The following LIG3 variants were observed in gnomAD, a reference collection of about 807,000 sequenced individuals.
LIG3 encodes DNA ligase 3.
LIG3 carries 58 observed loss-of-function variants against 110.9 expected under a neutral mutation model. The observed-to-expected ratio is 0.52, with a 90% confidence interval of 0.42 to 0.65. The LOEUF is 0.65. Among genes scored for constraint, LIG3 ranks in the 30% least tolerant of loss-of-function variants. LIG3 has a pLI of 0.00. For synonymous variants in LIG3, 422 were observed against 472.8 expected (o/e 0.89, Z 1.39); for missense variants, 1,094 against 1,273.8 (o/e 0.86, Z 2.15).
intron 10 of LIG3, 129 bp downstream of exon 10, chr17:34,996,324 G>GT: frequency 1.7e-6 from 2 of 1,177,804 alleles, no homozygotes. Flanking sequence ...CTTCTGACCT[G>GT]TTTCTGGTTT....
rs550674797 is a variant in LIG3, at chr17:34,983,094, G to A, written c.89G>A (p.Arg30His). Residue 30 changes from arginine to histidine, a missense_variant, in exon 2 of 20, where the codon CGT becomes CAT. By Grantham distance (29) the Arg-to-His change is conservative. Transcript: ENST00000378526. The part of the protein sequence containing the change: ...ELCLFRKHHW[R>H]DVRQFSQWSE... ...TGCCTATTCCGAAAACATCACTGGCGTGATGTAAGACAATTCAGCCAGTGG... is the reference window on the plus strand; with the variant it reads ...TGCCTATTCCGAAAACATCACTGGCATGATGTAAGACAATTCAGCCAGTGG... 74 of 1,613,948 alleles carry A rather than the reference G, an allele frequency of 4.6e-5. No individual in the cohort carries two copies. The Middle Eastern group carries it at 5.3e-3, about 115-fold the overall frequency.
Position 34,989,573 on chromosome 17 carries a change from C to A in LIG3, c.799C>A (p.Arg267=), listed in dbSNP as rs566713386. 1 of 1,614,062 alleles carries A rather than the reference C, an allele frequency of 6.2e-7. No homozygotes were observed. Among genetic ancestry groups the A allele is most frequent in the East Asian group, 2.2e-5 (1 of 44,832 alleles). The part of the protein sequence containing the change: ...RHKDCLLREF[R]KLCAMVADNP... ...TAAGGACTGTCTGCTACGGGAGTTT[C>A]GAAAGTTATGCGCCATGGTGGCCGA... The change falls in exon 4 of 20, where the codon CGA becomes AGA. Residue 267 remains arginine (R), a synonymous_variant. Transcript: ENST00000378526.
Position 35,005,344 on chromosome 17 carries a change from CAACCTGAAGTTG to C in LIG3, c.*841_*852del, listed in dbSNP as rs748130091. 5 of 554,424 alleles carry C rather than the reference CAACCTGAAGTTG, an allele frequency of 9.0e-6. No individual in the cohort carries two copies. The Admixed American group carries it at 9.6e-5, about 11-fold the overall frequency. 34.3% of individuals were successfully genotyped at this position (554,424 alleles called of 1,614,324 possible). A position where few individuals can be genotyped will look rare whatever the true frequency, so the allele number is the denominator to read the frequency against. On this transcript the variant is annotated 3_prime_UTR_variant, in exon 20 of 20. Coordinates refer to ENST00000378526, the MANE Select transcript of LIG3 (RefSeq NM_013975.4). The stretch of plus-strand genomic sequence containing the variant: ...TCCCATTCTTAGTGCTCGAGTGTTC[CAACCTGAAGTTG>C]AAGAAGCCACCCTGGCTGCACATGC...
At chr17:34,999,632 C>T in intron 15 of LIG3, 150 bp from the exon 16 acceptor site, 1 of 1,053,082 alleles carries the variant, frequency 9.5e-7, no homozygotes, top group Non-Finnish European at 1.4e-6. Context: ...GCTTGCATGC[C>T]TCTAGGTCAT....
intron 5 of LIG3, chr17:34,991,407 C>G (rs2090719593): frequency 3.5e-6 from 2 of 570,464 alleles, no homozygotes; most frequent in Admixed American, 3.5e-5. Flanking sequence ...ATTCTGGACT[C>G]TTTTTTTCTT....
rs1211620720 is a variant in LIG3 at position 35,004,688 on chromosome 17, A to T, written c.*182A>T. 2 of 585,588 alleles carry T rather than the reference A, an allele frequency of 3.4e-6. No homozygotes were observed. Among genetic ancestry groups the T allele is most frequent in the Admixed American group, 3.1e-5 (1 of 31,756 alleles). The allele number at this position is 585,588 out of a possible 1,614,324, so 36.3% of individuals were successfully genotyped here. A position where few individuals can be genotyped will look rare whatever the true frequency, so the allele number is the denominator to read the frequency against. ...TGCTGTGGGTGCCACAGCTGAAGTC[A>T]GTTTGTCTTGCTGGTTTAAATAGAT... On this transcript the variant is annotated 3_prime_UTR_variant, in exon 20 of 20. Coordinates refer to ENST00000378526, the MANE Select transcript of LIG3 (RefSeq NM_013975.4).
rs757106255 is a variant in LIG3, at chr17:34,986,058, C to A, written c.618C>A (p.Gly206=). 3 of 1,613,974 alleles carry A rather than the reference C, an allele frequency of 1.9e-6. No individual in the cohort carries two copies. In the South Asian group the frequency reaches 3.3e-5, roughly 18 times the overall value. ...AVVQAKLTTT[G]QVTSPVKGAS... ...TCCAGGCTAAGTTGACAACCACTGG[C>A]CAGGTGACTTCTCCAGTGAAAGGCG... The change falls in exon 3 of 20, where the codon GGC becomes GGA. Residue 206 remains glycine, a synonymous_variant. Transcript: ENST00000378526.
At position 35,004,590 on chromosome 17, in the gene LIG3, A is replaced by C; in HGVS notation, c.*84A>C. The C allele has an allele frequency of 1.8e-5, 21 of 1,145,198 alleles. No individual in the cohort carries two copies. The highest frequency in any genetic ancestry group is 2.7e-5 in the Non-Finnish European group (21 of 776,652). 70.9% of individuals were successfully genotyped at this position (1,145,198 alleles called of 1,614,324 possible). On this transcript the variant is annotated 3_prime_UTR_variant, in exon 20 of 20. Coordinates refer to ENST00000378526, the MANE Select transcript of LIG3 (RefSeq NM_013975.4). ...ACTCAGGCTGGAGGCAGATAGACAC[A>C]GTATAGGGGGAATGGGCTTGCTTCT...
intron 2 of LIG3, among the ~76,000 whole-genome samples, chr17:34,984,151 G>A (rs1001508265): frequency 6.6e-6 from 1 of 152,056 alleles, no homozygotes; most frequent in African/African-American, 2.4e-5. Context: ...ATACTATTTT[G>A]TCAATGGATT....
chr17:34,983,459 G>C lies in LIG3; in HGVS notation c.454G>C (p.Ala152Pro). The stretch of plus-strand genomic sequence containing the variant: ...GTTTGAGAAACTAGAGCGGGCCCGG[G>C]CCACCACAAAAAAAATCGAGGACCT... Reference protein sequence around the residue: ...CMFEKLERARATTKKIEDLTE... With the variant: ...CMFEKLERARPTTKKIEDLTE... Residue 152 changes from alanine (A) to proline (P), a missense_variant, in exon 2 of 20, where the codon GCC becomes CCC. Physicochemically the swap from Ala to Pro is conservative, Grantham distance 27. Coordinates refer to ENST00000378526, the MANE Select transcript of LIG3 (RefSeq NM_013975.4). 1 of 1,614,054 alleles carries C rather than the reference G, an allele frequency of 6.2e-7. No homozygotes were observed. Among genetic ancestry groups the C allele is most frequent in the Non-Finnish European group, 8.5e-7 (1 of 1,180,002 alleles).
intron 3 of LIG3, among the ~76,000 whole-genome samples, chr17:34,988,141 C>T (rs1347375964): frequency 3.8e-5 from 5 of 131,894 alleles, no homozygotes; most frequent in Non-Finnish European, 6.1e-5. Context: ...TGCAGTGAGC[C>T]AAGATCGCGC....
rs2090776586 is a variant in LIG3 at position 34,996,269 on chromosome 17, T to A, written c.1743+74T>A. Reference sequence around the variant, plus strand: ...ATGTACATGTGGGTGCACGCTGCGGTCTGAAAAGGGAGGAAATATCCCTTA... The same window carrying A: ...ATGTACATGTGGGTGCACGCTGCGGACTGAAAAGGGAGGAAATATCCCTTA... On this transcript the variant is annotated intron_variant, in intron 10 of 19. Coordinates refer to ENST00000378526, the MANE Select transcript of LIG3 (RefSeq NM_013975.4). 4.6e-6 allele frequency: 7 copies of A among 1,514,120 alleles called. No individual in the cohort carries two copies. In the South Asian group the frequency reaches 7.1e-5, roughly 15 times the overall value. The allele number at this position is 1,514,120 out of a possible 1,614,324, so 93.8% of individuals were successfully genotyped here. A position where few individuals can be genotyped will look rare whatever the true frequency, so the allele number is the denominator to read the frequency against.
intron 9 of LIG3, among the ~76,000 whole-genome samples, chr17:34,994,635 C>G (rs988153079): frequency 6.6e-6 from 1 of 152,202 alleles, no homozygotes; most frequent in African/African-American, 2.4e-5. Context: ...AGAGCCCTGA[C>G]TTGGGTTCGT....
intron 7 of LIG3, 111 bp from the exon 8 acceptor site, chr17:34,992,413 A>G (rs2090731863): frequency 2.5e-6 from 3 of 1,194,726 alleles, no homozygotes; most frequent in Middle Eastern, 2.0e-4. Context: ...ATAGAACACA[A>G]CCCCTTCCCT....
intron 4 of LIG3, chr17:34,989,954 G>A (rs2090700748): frequency 2.6e-6 from 1 of 381,794 alleles, no homozygotes; most frequent in African/African-American, 2.0e-5. Flanking sequence ...TATTTGACTA[G>A]TTAGAAAATT....
At chr17:34,991,391 G>T (rs1405498066) in intron 5 of LIG3, 4 of 570,476 alleles carry the variant, frequency 7.0e-6, no homozygotes, top group Non-Finnish European at 1.2e-5. Flanking sequence ...CTCTCCTGGG[G>T]CTTTTATTCT....
Position 34,983,245 on chromosome 17 carries a change from A to G in LIG3, c.240A>G (p.Gly80=). Residue 80 remains glycine (G), a synonymous_variant, in exon 2 of 20, where the codon GGA becomes GGG. Coordinates refer to ENST00000378526, the MANE Select transcript of LIG3 (RefSeq NM_013975.4). Reference sequence around the variant, plus strand: ...TTTTCTTGCCAGGGTTGCATGTGGGACTCTGCAGTGGCCCCTGTGAGATGG... The same window carrying G: ...TTTTCTTGCCAGGGTTGCATGTGGGGCTCTGCAGTGGCCCCTGTGAGATGG... ...YLVFLPGLHV[G]LCSGPCEMAE... 1 of 1,613,992 alleles carries G rather than the reference A, an allele frequency of 6.2e-7. No homozygotes were observed. The highest frequency in any genetic ancestry group is 8.5e-7 in the Non-Finnish European group (1 of 1,179,974).
Position 35,002,030 on chromosome 17 carries a change from G to C in LIG3, c.2600G>C (p.Arg867Pro). The C allele has an allele frequency of 6.2e-7, 1 of 1,609,650 alleles. No individual in the cohort carries two copies. Among genetic ancestry groups the C allele is most frequent in the South Asian group, 1.1e-5 (1 of 90,370 alleles). ...GGTCCCTCAGGGTCTGCTGTGTCCC[G>C]CAAGGCCCCCAGCAAGCCCTCAGCC... ...NKGPSGSAVS[R>P]KAPSKPSAST... The change falls in exon 18 of 20, where the codon CGC becomes CCC. Residue 867 changes from arginine to proline, a missense_variant. Arg to Pro is a moderately radical substitution (Grantham distance 103). Transcript: ENST00000378526.
chr17:35,004,823 C>T lies in LIG3; in HGVS notation c.*317C>T. 3.3e-6 allele frequency: 1 copy of T among 307,562 alleles called. No homozygotes were observed. The highest frequency in any genetic ancestry group is 6.1e-6 in the Non-Finnish European group (1 of 162,748). 19.1% of individuals were successfully genotyped at this position (307,562 alleles called of 1,614,324 possible). A position where few individuals can be genotyped will look rare whatever the true frequency, so the allele number is the denominator to read the frequency against. ...TGCAGTTATCTTTGTCCTTTCCCCA[C>T]CTACACCCCCAATAATTTCCCTAGA... is the stretch of plus-strand genomic sequence containing the variant. On this transcript the variant is annotated 3_prime_UTR_variant, in exon 20 of 20. Coordinates refer to ENST00000378526, the MANE Select transcript of LIG3 (RefSeq NM_013975.4).
Sources: gnomAD v4.1 joint callset for allele counts (sites outside exome capture counted in the v4.1 genomes callset) on GRCh38, gnomAD v4.1.1 for gene constraint, MANE v1.5 for transcripts, NCBI Gene and HGNC (gene_info 2026-07-23, HGNC 2026-07-21) for gene names.